Variants in CNTNAP2 observed in about 807,000 individuals in gnomAD.
CNTNAP2 encodes contactin-associated protein-like 2.
A neutral mutation model predicts 155.2 loss-of-function variants in CNTNAP2; 98 were observed. The ratio of observed to expected loss-of-function variants is 0.63; its 90% confidence interval spans 0.54 to 0.75. The LOEUF (loss-of-function observed/expected upper bound fraction) is 0.75, where lower values mean the gene tolerates loss of function less well. CNTNAP2 is among the 30% of genes least tolerant of loss of function. CNTNAP2 has a pLI of 0.00. For synonymous variants in CNTNAP2, 651 were observed against 631.2 expected (o/e 1.03, Z -0.47); for missense variants, 1,727 against 1,688.1 (o/e 1.02, Z -0.40).
intron 17 of CNTNAP2, among the ~76,000 whole-genome samples, chr7:148,163,531 A>C (rs1805591646): frequency 6.6e-6 from 1 of 152,082 alleles, no homozygotes; most frequent in South Asian, 2.1e-4. Flanking sequence ...CTCTATTTTG[A>C]AGCTTTCTTC....
chr7:146,613,356 T>C lies in CNTNAP2; in HGVS notation c.98-160915T>C, dbSNP rs543753973. ...CCTTTAATTTCTTATCTCCAAATTT[T>C]AAGAAAATTAAGTCTTCATGATTTA... On this transcript the variant is annotated intron_variant, in intron 1 of 23. Transcript: ENST00000361727. Among the ~76,000 whole-genome samples, 394 of 152,334 alleles carry C rather than the reference T, an allele frequency of 2.6e-3. 5 individuals carry two copies. The highest frequency in any genetic ancestry group is 9.1e-3 in the African/African-American group (377 of 41,578).
chr7:148,384,031 G>A (rs930906300), intron 22 of CNTNAP2, 143 bp downstream of exon 22: 137 of 1,134,102 alleles, frequency 1.2e-4, no homozygotes, highest in Non-Finnish European at 1.5e-4. Context: ...TTGTGAGTAC[G>A]GAGTTCTCAG....
At chr7:146,325,041 C>T (rs1801073108) in intron 1 of CNTNAP2, among the ~76,000 whole-genome samples, 1 of 152,010 alleles carries the variant, frequency 6.6e-6, no homozygotes. Context: ...ATCAAGCGAT[C>T]CTCCCGCCTG....
chr7:147,019,639 T>C (rs899107722), intron 3 of CNTNAP2, among the ~76,000 whole-genome samples: 12 of 152,112 alleles, frequency 7.9e-5, no homozygotes, highest in African/African-American at 2.7e-4. Flanking sequence ...CCCTTCTGCC[T>C]ATTGCATGTA....
intron 3 of CNTNAP2, among the ~76,000 whole-genome samples, chr7:146,933,156 CT>C (rs1796818814): frequency 6.6e-6 from 1 of 151,806 alleles, no homozygotes; most frequent in Non-Finnish European, 1.5e-5. Flanking sequence ...AAGAACAAAG[CT>C]GGAGGCATCA....
At chr7:148,405,072 T>G (rs1039373193) in intron 22 of CNTNAP2, among the ~76,000 whole-genome samples, 2 of 152,034 alleles carry the variant, frequency 1.3e-5, no homozygotes, top group African/African-American at 4.8e-5. Context: ...AATTTCTCAT[T>G]TAGGGCTGTG....
intron 9 of CNTNAP2, among the ~76,000 whole-genome samples, chr7:147,386,363 AG>A (rs1372098414): frequency 6.6e-6 from 1 of 152,160 alleles, no homozygotes; most frequent in Non-Finnish European, 1.5e-5. Flanking sequence ...TCACATTGTC[AG>A]GTTGTAAATT....
intron 3 of CNTNAP2, among the ~76,000 whole-genome samples, chr7:146,937,363 T>TAAAA (rs374315906): frequency 1.3e-5 from 1 of 76,026 alleles, no homozygotes; most frequent in Non-Finnish European, 3.7e-5. Context: ...AAAAAAAAAA[T>TAAAA]AAAAATAAAA....
chr7:147,515,321 C>CTTTTTTTTTTTT lies in CNTNAP2; in HGVS notation c.1777+29287_1777+29288insTTTTTTTTTTTT, dbSNP rs763147267. On this transcript the variant is annotated intron_variant, in intron 11 of 23. Coordinates refer to ENST00000361727, the MANE Select transcript of CNTNAP2 (RefSeq NM_014141.6). ...ATTTTTCTTCATAGTTCATTATATT[C>CTTTTTTTTTTTT]TTTTTTTGTTTGTTTGTTTTGAGAC... 8.1e-4 allele frequency among the ~76,000 whole-genome samples: 102 copies of CTTTTTTTTTTTT among 126,196 alleles called. 1 individual carries two copies. The highest frequency in any genetic ancestry group is 1.1e-3 in the Non-Finnish European group (64 of 60,488). The allele number at this position is 126,196 out of a possible 152,430, so 82.8% of individuals were successfully genotyped here. A position where few individuals can be genotyped will look rare whatever the true frequency, so the allele number is the denominator to read the frequency against.
intron 8 of CNTNAP2, among the ~76,000 whole-genome samples, chr7:147,269,045 C>T (rs1181939728): frequency 6.6e-6 from 1 of 152,058 alleles, no homozygotes; most frequent in Non-Finnish European, 1.5e-5. Flanking sequence ...GAAATACTTA[C>T]AATGTTATGA....
intron 3 of CNTNAP2, among the ~76,000 whole-genome samples, chr7:146,850,504 G>A (rs937501128): frequency 2.6e-5 from 4 of 152,076 alleles, no homozygotes; most frequent in African/African-American, 9.7e-5. Flanking sequence ...AGTGTTTAAT[G>A]TGCTTTATAT....
At chr7:148,308,540 A>G (rs1797530051) in intron 21 of CNTNAP2, among the ~76,000 whole-genome samples, 1 of 144,070 alleles carries the variant, frequency 6.9e-6, no homozygotes, top group East Asian at 2.0e-4. Context: ...TTTCCATTTT[A>G]ACCTATTTAT....
intron 4 of CNTNAP2, among the ~76,000 whole-genome samples, chr7:147,076,796 G>A (rs1167375167): frequency 3.3e-5 from 5 of 152,108 alleles, no homozygotes; most frequent in Admixed American, 2.0e-4. Flanking sequence ...TTTAATAGAC[G>A]TTCTGGCTTT....
At chr7:146,198,977 CATTT>C (rs1798817772) in intron 1 of CNTNAP2, among the ~76,000 whole-genome samples, 2 of 152,250 alleles carry the variant, frequency 1.3e-5, no homozygotes, top group East Asian at 1.9e-4. Flanking sequence ...ACTCTGTATT[CATTT>C]AGTCAACACA....
intron 10 of CNTNAP2, among the ~76,000 whole-genome samples, chr7:147,398,616 G>A (rs754413265): frequency 1.7e-4 from 14 of 81,238 alleles, no homozygotes; most frequent in Non-Finnish European, 3.3e-4. Flanking sequence ...TTTGCTTTGT[G>A]TGTAGATTTG....
At chr7:147,735,413 A>G (rs1432284864) in intron 13 of CNTNAP2, among the ~76,000 whole-genome samples, 1 of 152,120 alleles carries the variant, frequency 6.6e-6, no homozygotes, top group Admixed American at 6.6e-5. Flanking sequence ...CTGTTCTTTT[A>G]CATTTGCTGA....
At chr7:147,869,111 C>T (rs1172158890) in intron 13 of CNTNAP2, among the ~76,000 whole-genome samples, 2 of 152,186 alleles carry the variant, frequency 1.3e-5, no homozygotes, top group Non-Finnish European at 1.5e-5. Flanking sequence ...TGGAATGGAG[C>T]TCTATCTTTC....
At chr7:148,355,166 C>CTTTTTTTTTTTTTTTTTTTTTCT (rs1798490306) in intron 21 of CNTNAP2, among the ~76,000 whole-genome samples, 1 of 41,022 alleles carries the variant, frequency 2.4e-5, no homozygotes, top group Non-Finnish European at 4.1e-5. Context: ...CCGCCAGCTG[C>CTTTTTTTTTTTTTTTTTTTTTCT]TTTTTTTTTT....
intron 10 of CNTNAP2, among the ~76,000 whole-genome samples, chr7:147,452,262 T>C (rs1323543129): frequency 6.6e-6 from 1 of 152,198 alleles, no homozygotes; most frequent in Non-Finnish European, 1.5e-5. Context: ...CCAAGTCCTA[T>C]ACATGCCACT....
Sources: gnomAD v4.1 joint callset for allele counts (sites outside exome capture counted in the v4.1 genomes callset) on GRCh38, gnomAD v4.1.1 for gene constraint, MANE v1.5 for transcripts, NCBI Gene and HGNC (gene_info 2026-07-23, HGNC 2026-07-21) for gene names.